The following NOL10 variants were observed in gnomAD, a reference collection of about 807,000 sequenced individuals.
NOL10 encodes the protein H_NH0074G24.1.
Under a neutral mutation model 103.5 loss-of-function variants are expected in NOL10, and 58 were observed. The observed-to-expected ratio is 0.56, with a 90% CI of 0.45 to 0.70. NOL10 has a LOEUF of 0.70. Among genes scored for constraint, NOL10 ranks in the 30% least tolerant of loss-of-function variants. NOL10 has a pLI of 0.00. For missense variants in NOL10, 763 were observed against 807.3 expected (o/e 0.95, Z 0.67); for synonymous variants, 287 against 282.5 (o/e 1.02, Z -0.16).
chr2:10,666,154 C>T, intron 8 of NOL10, among the ~76,000 whole-genome samples: 1 of 152,178 alleles, frequency 6.6e-6, no homozygotes, highest in Non-Finnish European at 1.5e-5. Context: ...TTTTCTGTTC[C>T]TGTCTTAATT....
At chr2:10,652,019 A>G (rs1189349902) in intron 12 of NOL10, among the ~76,000 whole-genome samples, 2 of 152,176 alleles carry the variant, frequency 1.3e-5, no homozygotes, top group Non-Finnish European at 2.9e-5. Context: ...AGGCGGGCAG[A>G]TCACGAGGTC....
At chr2:10,627,722 C>A (rs191103732) in intron 13 of NOL10, among the ~76,000 whole-genome samples, 10 of 148,884 alleles carry the variant, frequency 6.7e-5, no homozygotes, top group Non-Finnish European at 1.5e-4. Flanking sequence ...ACAACAACAA[C>A]AAAAAACACA....
chr2:10,685,806 G>T (rs536861654), intron 1 of NOL10, among the ~76,000 whole-genome samples: 1 of 151,916 alleles, frequency 6.6e-6, no homozygotes, highest in Non-Finnish European at 1.5e-5. Flanking sequence ...AAGTGCAGTG[G>T]TTCATATCTA....
At chr2:10,608,000 G>A (rs938840119) in intron 13 of NOL10, among the ~76,000 whole-genome samples, 1 of 151,944 alleles carries the variant, frequency 6.6e-6, no homozygotes. Flanking sequence ...GCAATATATT[G>A]TATTCTTGAA....
chr2:10,613,176 A>G (rs1189377677), intron 13 of NOL10, among the ~76,000 whole-genome samples: 3 of 152,190 alleles, frequency 2.0e-5, no homozygotes, highest in African/African-American at 7.2e-5. Flanking sequence ...ATTAAATTCC[A>G]TATTTATTAT....
intron 13 of NOL10, among the ~76,000 whole-genome samples, chr2:10,613,497 G>A (rs1351467549): frequency 6.6e-6 from 1 of 152,182 alleles, no homozygotes; most frequent in Non-Finnish European, 1.5e-5. Context: ...CTTGAGCAAG[G>A]CCCTGAACAA....
At chr2:10,614,755 A>G (rs1676748134) in intron 13 of NOL10, among the ~76,000 whole-genome samples, 1 of 152,238 alleles carries the variant, frequency 6.6e-6, no homozygotes, top group Non-Finnish European at 1.5e-5. Flanking sequence ...ATGTATATAC[A>G]CACTATACAT....
In NOL10 at chr2:10,577,799, A is replaced by G. The variant is rs1344442107; in HGVS notation, c.1845-61T>C. 3.4e-6 allele frequency: 4 copies of G among 1,165,080 alleles called. No homozygotes were observed. In the African/African-American group the frequency reaches 6.1e-5, roughly 18 times the overall value. The allele number at this position is 1,165,080 out of a possible 1,614,324, so 72.2% of individuals were successfully genotyped here. On this transcript the variant is annotated intron_variant, in intron 19 of 20. Coordinates refer to ENST00000381685, the MANE Select transcript of NOL10 (RefSeq NM_024894.4). ...AATTATGTTTTAATTTACCATTTGA[A>G]ACAAGTTTTGATTAGAATTGATAGC...
rs759348348 is a variant in NOL10, at chr2:10,593,161, TG to T, written c.1423-3411del. 6.8e-4 allele frequency among the ~76,000 whole-genome samples: 103 copies of T among 151,518 alleles called. 1 individual carries two copies. The highest frequency in any genetic ancestry group is 2.5e-3 in the South Asian group (12 of 4,780). Reference sequence around the variant, plus strand: ...TTTTTTTCTTTTTTTTCTTTTGAGATGGGGTCTTGCTCTGTCACGCAGGCTG... The same window carrying T: ...TTTTTTTCTTTTTTTTCTTTTGAGATGGGTCTTGCTCTGTCACGCAGGCTG... On this transcript the variant is annotated intron_variant, in intron 17 of 20. Transcript: ENST00000381685.
intron 9 of NOL10, among the ~76,000 whole-genome samples, chr2:10,660,633 C>A (rs1033653006): frequency 1.3e-5 from 2 of 152,090 alleles, no homozygotes; most frequent in African/African-American, 2.4e-5. Flanking sequence ...ATGTTCTTAT[C>A]GAGTTTTACA....
At chr2:10,606,115 G>A (rs983077608) in intron 14 of NOL10, among the ~76,000 whole-genome samples, 5 of 152,106 alleles carry the variant, frequency 3.3e-5, no homozygotes, top group East Asian at 3.9e-4. Flanking sequence ...GCAAGCAGGC[G>A]CAACATGTCC....
chr2:10,681,748 A>G (rs1681775579), intron 3 of NOL10, among the ~76,000 whole-genome samples: 1 of 152,224 alleles, frequency 6.6e-6, no homozygotes, highest in Non-Finnish European at 1.5e-5. Context: ...ATACATGAAC[A>G]AAGAGACAGA....
At chr2:10,650,540 A>G (rs1415837341) in intron 12 of NOL10, among the ~76,000 whole-genome samples, 1 of 152,148 alleles carries the variant, frequency 6.6e-6, no homozygotes, top group African/African-American at 2.4e-5. Flanking sequence ...ATTTAAAAGC[A>G]TGCTTATTTT....
rs199755786 is a variant in NOL10 at position 10,644,325 on chromosome 2, T to G, written c.1021A>C (p.Ile341Leu). ...NETPKMGIYY[I>L]PVLGPAPRWC... ...CTCCTCTTTGTATTACTTACTGGAA[T>G]GTAATAGATGCCCATCTTGGGGGTT... Residue 341 changes from isoleucine (I) to leucine (L), a missense_variant, in exon 13 of 21, where the codon ATT (isoleucine) becomes CTT (leucine). Transcript: ENST00000381685. 18 of 1,528,964 alleles carry G rather than the reference T, an allele frequency of 1.2e-5. No individual in the cohort carries two copies. The highest frequency in any genetic ancestry group is 1.6e-5 in the Non-Finnish European group (18 of 1,138,092). The allele number at this position is 1,528,964 out of a possible 1,614,324, so 94.7% of individuals were successfully genotyped here.
intron 4 of NOL10, among the ~76,000 whole-genome samples, chr2:10,674,231 T>TAA (rs553120070): frequency 1.5e-4 from 21 of 138,938 alleles, no homozygotes; most frequent in African/African-American, 5.5e-4. Context: ...AAAGTAAAAA[T>TAA]AAAAAAAAAA....
chr2:10,643,518 A>C (rs1286761365), intron 13 of NOL10, among the ~76,000 whole-genome samples: 1 of 152,170 alleles, frequency 6.6e-6, no homozygotes, highest in East Asian at 1.9e-4. Flanking sequence ...TATAAACTTA[A>C]AGGGAAGGGT....
intron 20 of NOL10, among the ~76,000 whole-genome samples, chr2:10,573,312 G>A (rs1171479415): frequency 6.6e-6 from 1 of 152,090 alleles, no homozygotes; most frequent in Non-Finnish European, 1.5e-5. Context: ...CCCTGCCTCA[G>A]CCTCCAGAGT....
chr2:10,652,395 A>C (rs1272427073), intron 12 of NOL10, among the ~76,000 whole-genome samples: 3 of 152,094 alleles, frequency 2.0e-5, no homozygotes, highest in Non-Finnish European at 2.9e-5. Context: ...GTAAGAAAAA[A>C]ACAGAAAGAA....
intron 9 of NOL10, among the ~76,000 whole-genome samples, chr2:10,661,700 T>C (rs1177379418): frequency 6.6e-6 from 1 of 152,020 alleles, no homozygotes; most frequent in Non-Finnish European, 1.5e-5. Flanking sequence ...TTTCAGTTAC[T>C]CTCCTGAGTT....
Sources: allele counts gnomAD v4.1 joint callset (sites outside exome capture counted in the v4.1 genomes callset), GRCh38; gene constraint gnomAD v4.1.1; transcripts MANE v1.5; gene names NCBI Gene and HGNC (gene_info 2026-07-23, HGNC 2026-07-21).